Variants in WWOX observed in about 807,000 individuals in gnomAD.
The protein encoded by WWOX is WW domain containing oxidoreductase.
In WWOX, 69 loss-of-function variants were observed where a neutral mutation model predicts 46.2. That is an observed-to-expected ratio of 1.49 (90% CI 1.23 to 1.82). WWOX has a LOEUF of 1.82. Ranked by LOEUF, WWOX falls within the 40% of genes most tolerant of loss-of-function variation. The probability of loss-of-function intolerance (pLI) is 0.00; values close to 1 mark genes in which losing one functional copy is unlikely to be tolerated. For synonymous variants in WWOX, 359 were observed against 202.6 expected, an observed-to-expected ratio of 1.77 and a Z score of -6.56; for missense variants, 919 against 542.6, an observed-to-expected ratio of 1.69 and a Z score of -6.89.
At chr16:78,763,944 A>G (rs2049860924) in intron 8 of WWOX, among the ~76,000 whole-genome samples, 1 of 152,284 alleles carries the variant, frequency 6.6e-6, no homozygotes, top group South Asian at 2.1e-4. Context: ...CTTGAGCTGA[A>G]GAAGCCCCAC....
intron 8 of WWOX, among the ~76,000 whole-genome samples, chr16:78,658,980 T>C (rs2047146147): frequency 7.8e-6 from 1 of 128,116 alleles, no homozygotes; most frequent in South Asian, 2.5e-4. Context: ...TAGTCCTAGC[T>C]ACTTGGGAGG....
intron 8 of WWOX, among the ~76,000 whole-genome samples, chr16:78,710,287 C>T (rs1213402246): frequency 2.0e-5 from 3 of 151,232 alleles, no homozygotes; most frequent in Non-Finnish European, 2.9e-5. Context: ...CAGTTAACTG[C>T]AGGGAGATTT....
At chr16:78,981,169 A>C (rs2151333644) in intron 8 of WWOX, among the ~76,000 whole-genome samples, 1 of 151,848 alleles carries the variant, frequency 6.6e-6, no homozygotes, top group Middle Eastern at 3.4e-3. Context: ...ACTTTCCTAA[A>C]CTCTGCATGT....
intron 8 of WWOX, among the ~76,000 whole-genome samples, chr16:79,072,242 T>TA (rs2150567627): frequency 6.6e-6 from 1 of 152,278 alleles, no homozygotes; most frequent in South Asian, 2.1e-4. Context: ...GCTATGATCA[T>TA]ACCACTGCAA....
chr16:79,119,976 C>G (rs1223497371), intron 8 of WWOX, among the ~76,000 whole-genome samples: 3 of 152,180 alleles, frequency 2.0e-5, no homozygotes, highest in African/African-American at 4.8e-5. Context: ...ACTCCACTTT[C>G]CTACAGTCCA....
intron 5 of WWOX, among the ~76,000 whole-genome samples, chr16:78,314,022 T>G (rs77463798): frequency 0.013 from 2,011 of 152,312 alleles, 24 homozygotes; most frequent in Non-Finnish European, 0.02. Context: ...TTCATCTTTC[T>G]GTGCCTCACA....
At chr16:78,580,653 T>C (rs142337419) in intron 8 of WWOX, among the ~76,000 whole-genome samples, 76 of 152,352 alleles carry the variant, frequency 5.0e-4, no homozygotes, top group African/African-American at 1.6e-3. Flanking sequence ...GAAACAACTT[T>C]TGTAACACTA....
chr16:78,405,600 T>C (rs2082509056), intron 6 of WWOX, among the ~76,000 whole-genome samples: 1 of 152,222 alleles, frequency 6.6e-6, no homozygotes, highest in Admixed American at 6.5e-5. Context: ...AAGTATCTTA[T>C]AAATGTGGAA....
intron 5 of WWOX, among the ~76,000 whole-genome samples, chr16:78,188,737 C>A (rs1203557665): frequency 1.3e-5 from 2 of 152,022 alleles, no homozygotes; most frequent in Non-Finnish European, 2.9e-5. Flanking sequence ...TATTGACAGA[C>A]CCATGGGTGT....
At chr16:78,138,732 A>G (rs2033884399) in intron 4 of WWOX, among the ~76,000 whole-genome samples, 1 of 152,182 alleles carries the variant, frequency 6.6e-6, no homozygotes, top group African/African-American at 2.4e-5. Context: ...ACTGCTGTAG[A>G]CCGTAATCAA....
chr16:78,677,229 G>T (rs528006140), intron 8 of WWOX, among the ~76,000 whole-genome samples: 3 of 152,046 alleles, frequency 2.0e-5, no homozygotes, highest in Non-Finnish European at 2.9e-5. Context: ...AATTATACCC[G>T]GCCTCAGGGT....
At chr16:78,363,266 T>C (rs996531338) in intron 5 of WWOX, among the ~76,000 whole-genome samples, 1 of 151,474 alleles carries the variant, frequency 6.6e-6, no homozygotes, top group African/African-American at 2.4e-5. Context: ...TGTGCAAGTT[T>C]GGGGCATTTT....
chr16:78,905,074 C>G (rs1421548667), intron 8 of WWOX, among the ~76,000 whole-genome samples: 2 of 152,052 alleles, frequency 1.3e-5, no homozygotes, highest in Admixed American at 6.6e-5. Context: ...GTCTCTGAGA[C>G]TTGTATTCTT....
At chr16:79,200,690 G>A (rs424074) in intron 8 of WWOX, among the ~76,000 whole-genome samples, 87,878 of 151,738 alleles carry the variant, frequency 0.58, 26,340 homozygotes, top group Non-Finnish European at 0.67. Context: ...AGCAGCTATT[G>A]AGCCTCACAC....
At chr16:78,582,272 G>T (rs1222124486) in intron 8 of WWOX, among the ~76,000 whole-genome samples, 2 of 152,140 alleles carry the variant, frequency 1.3e-5, no homozygotes, top group African/African-American at 4.8e-5. Context: ...CTATACTTTT[G>T]ATAGCAATTG....
chr16:78,562,710 C>T (rs2859627), intron 8 of WWOX, among the ~76,000 whole-genome samples: 66,303 of 152,026 alleles, frequency 0.44, 16,624 homozygotes, highest in African/African-American at 0.7. Context: ...ACAATCTGAT[C>T]GCTCCCCTGA....
intron 8 of WWOX, among the ~76,000 whole-genome samples, chr16:78,747,752 C>T (rs193037706): frequency 6.6e-6 from 1 of 152,324 alleles, no homozygotes; most frequent in East Asian, 1.9e-4. Context: ...CTTATCCAGC[C>T]TACAGAGGAG....
chr16:79,198,889 G>T (rs79618047), intron 8 of WWOX, among the ~76,000 whole-genome samples: 8,001 of 152,226 alleles, frequency 0.053, 297 homozygotes, highest in East Asian at 0.17. Flanking sequence ...TGACCTGAAG[G>T]TGTGCTATGT....
intron 8 of WWOX, among the ~76,000 whole-genome samples, chr16:78,972,821 A>T (rs1449673515): frequency 6.6e-6 from 1 of 152,202 alleles, no homozygotes; most frequent in Non-Finnish European, 1.5e-5. Flanking sequence ...TTAATGGCAA[A>T]CTTAGAACAG....
Sources: gnomAD v4.1 joint callset for allele counts (sites outside exome capture counted in the v4.1 genomes callset) on GRCh38, gnomAD v4.1.1 for gene constraint, MANE v1.5 for transcripts, NCBI Gene and HGNC (gene_info 2026-07-23, HGNC 2026-07-21) for gene names.